Variants in TENM4 observed in about 807,000 individuals in gnomAD.
TENM4 encodes the protein teneurin-4.
Under a neutral mutation model 243.3 loss-of-function variants are expected in TENM4, and 82 were observed. The ratio of observed to expected loss-of-function variants is 0.34; its 90% confidence interval spans 0.28 to 0.40. The LOEUF is 0.40. Among genes scored for constraint, TENM4 ranks in the 10% least tolerant of loss-of-function variants. The pLI, the probability that TENM4 is intolerant of heterozygous loss-of-function variation, is 1.00. For missense variants in TENM4, 3,138 were observed against 3,673.3 expected (o/e 0.85, Z 3.77); for synonymous variants, 1,412 against 1,456.3 (o/e 0.97, Z 0.69).
At chr11:78,987,738 C>T (rs560263705) in intron 6 of TENM4, among the ~76,000 whole-genome samples, 1 of 152,138 alleles carries the variant, frequency 6.6e-6, no homozygotes, top group African/African-American at 2.4e-5. Flanking sequence ...ACCATTATAG[C>T]CACTTTCTAT....
At chr11:78,758,150 G>C (rs924013766) in intron 18 of TENM4, among the ~76,000 whole-genome samples, 5 of 152,188 alleles carry the variant, frequency 3.3e-5, no homozygotes, top group Admixed American at 3.3e-4. Flanking sequence ...ACAGTCTAAC[G>C]ACATGTATTC....
chr11:79,428,877 G>T lies in TENM4; in HGVS notation c.-321+11632C>A, dbSNP rs573113922. 4.6e-5 allele frequency among the ~76,000 whole-genome samples: 7 copies of T among 152,276 alleles called. No homozygotes were observed. The South Asian group carries it at 1.5e-3, about 32-fold the overall frequency. Reference sequence around the variant, plus strand: ...ATGGAGGAGACTAACATTCAGTAAGGCTGTATTCTATGCAGCATTTCTCAA... The same window carrying T: ...ATGGAGGAGACTAACATTCAGTAAGTCTGTATTCTATGCAGCATTTCTCAA... On this transcript the variant is annotated intron_variant, in intron 1 of 33. Transcript: ENST00000278550.
At chr11:78,955,946 A>G (rs1031419498) in intron 6 of TENM4, among the ~76,000 whole-genome samples, 1 of 152,132 alleles carries the variant, frequency 6.6e-6, no homozygotes, top group Non-Finnish European at 1.5e-5. Context: ...TAAGGGAGGC[A>G]CCTGGTAGAG....
chr11:79,161,596 C>G (rs960621110), intron 3 of TENM4, among the ~76,000 whole-genome samples: 1 of 152,074 alleles, frequency 6.6e-6, no homozygotes, highest in Non-Finnish European at 1.5e-5. Flanking sequence ...TGCTGACAGC[C>G]GCCATAGCTA....
intron 29 of TENM4, among the ~76,000 whole-genome samples, chr11:78,687,047 CGACT>C (rs1858696309): frequency 6.6e-6 from 1 of 152,150 alleles, no homozygotes; most frequent in Non-Finnish European, 1.5e-5. Flanking sequence ...CTAAAGAGAT[CGACT>C]GAGCAGCCCT....
intron 3 of TENM4, among the ~76,000 whole-genome samples, chr11:79,194,874 C>T (rs1205898041): frequency 2.0e-5 from 3 of 152,044 alleles, no homozygotes; most frequent in African/African-American, 7.2e-5. Flanking sequence ...AAAATATCTC[C>T]AGGCCATGTC....
At chr11:78,954,909 C>G (rs1857177703) in intron 6 of TENM4, among the ~76,000 whole-genome samples, 1 of 152,224 alleles carries the variant, frequency 6.6e-6, no homozygotes, top group Non-Finnish European at 1.5e-5. Flanking sequence ...GAAGAACCAA[C>G]AGATGAGCCT....
At chr11:79,362,245 A>G (rs1033044823) in intron 1 of TENM4, among the ~76,000 whole-genome samples, 2 of 152,214 alleles carry the variant, frequency 1.3e-5, no homozygotes, top group African/African-American at 4.8e-5. Flanking sequence ...ATTTCACCTC[A>G]CTTCCCAATT....
At chr11:79,158,823 A>G (rs1862679350) in intron 3 of TENM4, among the ~76,000 whole-genome samples, 1 of 152,118 alleles carries the variant, frequency 6.6e-6, no homozygotes, top group Non-Finnish European at 1.5e-5. Flanking sequence ...CTAAATCTGG[A>G]GTTTCAATGG....
chr11:78,818,362 G>A (rs904458424), intron 12 of TENM4, among the ~76,000 whole-genome samples: 1 of 152,154 alleles, frequency 6.6e-6, no homozygotes, highest in Non-Finnish European at 1.5e-5. Flanking sequence ...AGAAAGGGAC[G>A]AAAGCATATT....
Position 78,676,120 on chromosome 11 carries a change from A to C in TENM4, c.5496+32T>G, listed in dbSNP as rs570658910. The stretch of plus-strand genomic sequence containing the variant: ...CTCCCGTTCCCCATTCTTTCCCCCC[A>C]GGACGCAGCCACCTCCAGAGGCCTC... On this transcript the variant is annotated intron_variant, in intron 30 of 33. Transcript: ENST00000278550. 3.0e-4 allele frequency: 433 copies of C among 1,458,416 alleles called. 1 individual carries two copies. In the African/African-American group the frequency reaches 5.3e-3, roughly 18 times the overall value. The allele number at this position is 1,458,416 out of a possible 1,614,324, so 90.3% of individuals were successfully genotyped here.
intron 4 of TENM4, among the ~76,000 whole-genome samples, chr11:79,119,883 T>C (rs2137127217): frequency 6.6e-6 from 1 of 152,280 alleles, no homozygotes; most frequent in South Asian, 2.1e-4. Flanking sequence ...TGCAAATAGC[T>C]CGATAACCAG....
chr11:79,396,655 C>T (rs571250720), intron 1 of TENM4, among the ~76,000 whole-genome samples: 1 of 152,174 alleles, frequency 6.6e-6, no homozygotes, highest in African/African-American at 2.4e-5. Flanking sequence ...GGCATAATAG[C>T]GCTCCAGCGG....
At chr11:78,809,697 C>T (rs954440482) in intron 14 of TENM4, among the ~76,000 whole-genome samples, 2 of 152,158 alleles carry the variant, frequency 1.3e-5, no homozygotes, top group African/African-American at 4.8e-5. Context: ...GTGGGCTGGC[C>T]TTTGTCTGGA....
At chr11:79,252,108 T>C (rs901053164) in intron 2 of TENM4, among the ~76,000 whole-genome samples, 2 of 152,258 alleles carry the variant, frequency 1.3e-5, no homozygotes, top group African/African-American at 2.4e-5. Context: ...GTGTTGGTTT[T>C]CTTTTGCTTT....
At chr11:78,738,054 T>C (rs79292718) in intron 20 of TENM4, among the ~76,000 whole-genome samples, 2,752 of 152,316 alleles carry the variant, frequency 0.018, 92 homozygotes, top group African/African-American at 0.063. Flanking sequence ...AGGTCAGAAT[T>C]CTGTCATCAC....
chr11:79,257,672 C>A (rs2135317181), intron 2 of TENM4, among the ~76,000 whole-genome samples: 1 of 152,276 alleles, frequency 6.6e-6, no homozygotes, highest in Middle Eastern at 3.4e-3. Context: ...TTGAGAGCCT[C>A]CTCTAGTAGA....
At chr11:79,345,665 C>G (rs1857313980) in intron 1 of TENM4, among the ~76,000 whole-genome samples, 2 of 152,216 alleles carry the variant, frequency 1.3e-5, no homozygotes, top group Admixed American at 1.3e-4. Context: ...GCTTATCTCT[C>G]TGAACTTCAG....
At chr11:78,859,351 G>A (rs1858759407) in intron 10 of TENM4, among the ~76,000 whole-genome samples, 1 of 152,116 alleles carries the variant, frequency 6.6e-6, no homozygotes, top group African/African-American at 2.4e-5. Flanking sequence ...AAAAGCTTAG[G>A]TCACAATTAG....
Sources: gnomAD v4.1 joint callset for allele counts (sites outside exome capture counted in the v4.1 genomes callset) on GRCh38, gnomAD v4.1.1 for gene constraint, MANE v1.5 for transcripts, NCBI Gene and HGNC (gene_info 2026-07-23, HGNC 2026-07-21) for gene names.